The following ARHGAP10 variants were observed in gnomAD, a reference collection of about 807,000 sequenced individuals.
ARHGAP10 encodes the protein rho GTPase-activating protein 10.
ARHGAP10 carries 87 observed loss-of-function variants against 108.6 expected under a neutral mutation model. That is an observed-to-expected ratio of 0.80 (90% CI 0.67 to 0.96). ARHGAP10 has a LOEUF of 0.96. Ranked by LOEUF, ARHGAP10 falls within the 40% of genes least tolerant of loss-of-function variation. ARHGAP10 has a pLI of 0.00. For synonymous variants in ARHGAP10, 347 were observed against 341.1 expected (o/e 1.02, Z -0.19); for missense variants, 939 against 954.5 (o/e 0.98, Z 0.21).
chr4:147,937,777 C>G (rs552683066), intron 13 of ARHGAP10, among the ~76,000 whole-genome samples: 152 of 152,200 alleles, frequency 1.0e-3, no homozygotes, highest in African/African-American at 3.6e-3. Flanking sequence ...GTCAGAAGTT[C>G]AAGATGAGCC....
At chr4:147,875,840 C>G (rs763236026) in intron 8 of ARHGAP10, among the ~76,000 whole-genome samples, 2 of 152,178 alleles carry the variant, frequency 1.3e-5, no homozygotes, top group African/African-American at 2.4e-5. Flanking sequence ...GTATTTCTTT[C>G]AGACTTTGAA....
intron 12 of ARHGAP10, among the ~76,000 whole-genome samples, chr4:147,912,548 AATATAT>A (rs59663731): frequency 0.013 from 1,545 of 119,328 alleles, 32 homozygotes; most frequent in African/African-American, 0.026. Flanking sequence ...CAAACAAACA[AATATAT>A]ATATATATAT....
intron 7 of ARHGAP10, among the ~76,000 whole-genome samples, chr4:147,873,681 A>ACACACACACACACACACACACAC (rs1734934734): frequency 1.0e-5 from 1 of 98,720 alleles, no homozygotes; most frequent in African/African-American, 3.6e-5. Flanking sequence ...CAAAAAACAA[A>ACACACACACACACACACACACAC]ACACACACAC....
At chr4:148,034,655 C>T (rs1393198874) in intron 19 of ARHGAP10, among the ~76,000 whole-genome samples, 1 of 152,072 alleles carries the variant, frequency 6.6e-6, no homozygotes, top group Non-Finnish European at 1.5e-5. Flanking sequence ...AATGAACTTT[C>T]CTTCTTCTTA....
chr4:147,844,610 T>C (rs929832069), intron 3 of ARHGAP10, among the ~76,000 whole-genome samples: 2 of 152,206 alleles, frequency 1.3e-5, no homozygotes, highest in Admixed American at 6.5e-5. Flanking sequence ...TGGCAATAAG[T>C]AGAATTGTTA....
At chr4:147,807,526 A>G (rs1436928363) in intron 1 of ARHGAP10, among the ~76,000 whole-genome samples, 1 of 152,136 alleles carries the variant, frequency 6.6e-6, no homozygotes, top group Non-Finnish European at 1.5e-5. Flanking sequence ...GTGTATTTTA[A>G]GTGTGTAAGT....
intron 1 of ARHGAP10, among the ~76,000 whole-genome samples, chr4:147,794,955 C>T (rs1484506731): frequency 2.0e-5 from 3 of 152,110 alleles, no homozygotes; most frequent in South Asian, 4.1e-4. Flanking sequence ...ATTTAAAGTA[C>T]GTTTTGAGGT....
chr4:147,733,983 G>A (rs999004192), intron 1 of ARHGAP10, among the ~76,000 whole-genome samples: 1 of 129,608 alleles, frequency 7.7e-6, no homozygotes, highest in African/African-American at 3.0e-5. Context: ...TTGGCATCTG[G>A]TATGTGTGTT....
At chr4:147,769,291 A>G (rs1158961779) in intron 1 of ARHGAP10, among the ~76,000 whole-genome samples, 1 of 152,176 alleles carries the variant, frequency 6.6e-6, no homozygotes, top group Non-Finnish European at 1.5e-5. Context: ...AATTAGGGAA[A>G]TTACTCAGTA....
intron 10 of ARHGAP10, among the ~76,000 whole-genome samples, chr4:147,899,669 C>T (rs1034612210): frequency 5.9e-5 from 9 of 151,910 alleles, no homozygotes; most frequent in African/African-American, 1.9e-4. Flanking sequence ...AAAGAAGTTA[C>T]TATAAAGACT....
rs372576984 is a variant in ARHGAP10, at chr4:148,023,399, T to C, written c.1853T>C (p.Leu618Pro). 6.2e-7 allele frequency: 1 copy of C among 1,613,466 alleles called. No homozygotes were observed. Among genetic ancestry groups the C allele is most frequent in the Non-Finnish European group, 8.5e-7 (1 of 1,179,634 alleles). Residue 618 changes from leucine (L) to proline (P), a missense_variant, in exon 19 of 23, where the codon CTG (leucine) becomes CCG (proline). Coordinates refer to ENST00000336498, the MANE Select transcript of ARHGAP10 (RefSeq NM_024605.4). ...CCCGTGGCCGTCTACAATCTTTGTC[T>C]GGAGCTGGAAGATGGTAAGATGTTA... is the stretch of plus-strand genomic sequence containing the variant. ...KRPVAVYNLC[L>P]ELEDGDNPYP...
intron 19 of ARHGAP10, among the ~76,000 whole-genome samples, chr4:148,034,943 T>C (rs1488048464): frequency 6.6e-6 from 1 of 152,232 alleles, no homozygotes; most frequent in Non-Finnish European, 1.5e-5. Flanking sequence ...ATAAAAATGC[T>C]CTTTGCTTTG....
chr4:148,022,239 A>G (rs2149662922), intron 18 of ARHGAP10, among the ~76,000 whole-genome samples: 1 of 152,358 alleles, frequency 6.6e-6, no homozygotes, highest in East Asian at 1.9e-4. Context: ...TACATGTGCC[A>G]TGGTGGTTTG....
chr4:148,072,082 C>T lies in ARHGAP10; in HGVS notation c.*1C>T. 1 of 1,610,896 alleles carries T rather than the reference C, an allele frequency of 6.2e-7. No homozygotes were observed. The highest frequency in any genetic ancestry group is 1.3e-5 in the African/African-American group (1 of 74,896). On this transcript the variant is annotated 3_prime_UTR_variant, in exon 23 of 23. Coordinates refer to ENST00000336498, the MANE Select transcript of ARHGAP10 (RefSeq NM_024605.4). ...ACAGAACTACGTCAAGCTGCTGTAG[C>T]TCCTGGCCTCAGAGCCCCTGCTGAC...
At chr4:147,760,242 T>G (rs1729538440) in intron 1 of ARHGAP10, among the ~76,000 whole-genome samples, 1 of 152,168 alleles carries the variant, frequency 6.6e-6, no homozygotes, top group African/African-American at 2.4e-5. Flanking sequence ...TACAAAAAGC[T>G]TAGGTTTACA....
chr4:147,986,289 A>AT (rs1259044861), intron 18 of ARHGAP10, among the ~76,000 whole-genome samples: 1 of 152,214 alleles, frequency 6.6e-6, no homozygotes, highest in East Asian at 1.9e-4. Flanking sequence ...CATGAAGCTC[A>AT]TGGAGGGTCA....
At chr4:147,759,901 A>G (rs755648931) in intron 1 of ARHGAP10, among the ~76,000 whole-genome samples, 2 of 152,066 alleles carry the variant, frequency 1.3e-5, no homozygotes, top group Non-Finnish European at 2.9e-5. Flanking sequence ...GGAGCCTGCC[A>G]CCATGCCTGG....
At chr4:147,811,554 T>C (rs1732018673) in intron 1 of ARHGAP10, among the ~76,000 whole-genome samples, 1 of 151,620 alleles carries the variant, frequency 6.6e-6, no homozygotes, top group African/African-American at 2.4e-5. Context: ...GTGAAGAATA[T>C]TTGAAAAATA....
intron 18 of ARHGAP10, among the ~76,000 whole-genome samples, chr4:147,989,634 C>G (rs1405963821): frequency 6.6e-6 from 1 of 152,198 alleles, no homozygotes; most frequent in Admixed American, 6.5e-5. Flanking sequence ...CTGTTCTGCC[C>G]AGCTCACCGG....
Sources: gnomAD v4.1 joint callset for allele counts (sites outside exome capture counted in the v4.1 genomes callset) on GRCh38, gnomAD v4.1.1 for gene constraint, MANE v1.5 for transcripts, NCBI Gene and HGNC (gene_info 2026-07-23, HGNC 2026-07-21) for gene names.